Variants in LARGE1 observed in about 807,000 individuals in gnomAD.
The protein encoded by LARGE1 is xylosyl- and glucuronyltransferase LARGE1.
Under a neutral mutation model 87.6 loss-of-function variants are expected in LARGE1, and 43 were observed. The observed-to-expected ratio is 0.49, with a 90% CI of 0.38 to 0.63. The LOEUF is 0.63. Ranked by LOEUF, LARGE1 falls within the 30% of genes least tolerant of loss-of-function variation. LARGE1 has a pLI of 0.00. For synonymous variants in LARGE1, 434 were observed against 394.6 expected (o/e 1.10, Z -1.18); for missense variants, 802 against 1,000.2 (o/e 0.80, Z 2.67).
intron 7 of LARGE1, among the ~76,000 whole-genome samples, chr22:33,424,585 G>C (rs2066807698): frequency 6.6e-6 from 1 of 152,114 alleles, no homozygotes; most frequent in Non-Finnish European, 1.5e-5. Context: ...TAGCACTTTG[G>C]GAAGCAGAGG....
intron 5 of LARGE1, among the ~76,000 whole-genome samples, chr22:33,580,404 C>T (rs183240858): frequency 6.6e-6 from 1 of 151,626 alleles, no homozygotes; most frequent in East Asian, 1.9e-4. Context: ...CACAAGGCCA[C>T]CTATTGCTCT....
chr22:33,884,647 A>G (rs370264636), intron 1 of LARGE1, among the ~76,000 whole-genome samples: 5 of 152,196 alleles, frequency 3.3e-5, no homozygotes, highest in Admixed American at 1.3e-4. Flanking sequence ...CACGGCTTAC[A>G]CTGCGGAGGG....
intron 6 of LARGE1, among the ~76,000 whole-genome samples, chr22:33,492,829 G>A (rs1336090336): frequency 1.3e-5 from 2 of 152,262 alleles, no homozygotes; most frequent in Middle Eastern, 3.4e-3. Context: ...AGGACGTCCT[G>A]TCCTTGTCCT....
intron 5 of LARGE1, among the ~76,000 whole-genome samples, chr22:33,585,039 T>C (rs948973999): frequency 1.3e-5 from 2 of 152,014 alleles, no homozygotes; most frequent in Non-Finnish European, 2.9e-5. Context: ...ATAGCTTGAA[T>C]CTGGGAGGTG....
At position 33,283,265 on chromosome 22, in the gene LARGE1, G is replaced by A; in HGVS notation, c.1814C>T (p.Ser605Phe). Residue 605 changes from serine (S) to phenylalanine (F), a missense_variant, in exon 13 of 15, where the codon TCC becomes TTC. Ser to Phe is a radical substitution (Grantham distance 155, BLOSUM62 -2). Transcript: ENST00000397394. ...CAACTCCGCTTTTGACTTGGGGAAG[G>A]ACAGCCGGTAGCGCAGTGTCTCGAA... The part of the protein sequence containing the change: ...PAFETLRYRL[S>F]FPKSKAELLS... 6.2e-7 allele frequency: 1 copy of A among 1,614,172 alleles called. No homozygotes were observed. Among genetic ancestry groups the A allele is most frequent in the Non-Finnish European group, 8.5e-7 (1 of 1,180,028 alleles).
intron 2 of LARGE1, among the ~76,000 whole-genome samples, chr22:33,720,486 CTA>C (rs1337716133): frequency 6.6e-6 from 1 of 152,180 alleles, no homozygotes; most frequent in Non-Finnish European, 1.5e-5. Context: ...GGTGTACACT[CTA>C]TGATATTTAT....
At chr22:33,499,148 T>G (rs2070310393) in intron 6 of LARGE1, among the ~76,000 whole-genome samples, 1 of 152,204 alleles carries the variant, frequency 6.6e-6, no homozygotes, top group Non-Finnish European at 1.5e-5. Context: ...ACCTTGAGGC[T>G]GTGCTTAGTA....
chr22:33,213,787 C>G (rs1925071091), intron 11 of LARGE1, among the ~76,000 whole-genome samples: 1 of 152,046 alleles, frequency 6.6e-6, no homozygotes, highest in African/African-American at 2.4e-5. Context: ...TACTGGGAAA[C>G]CAAAAACTTT....
intron 6 of LARGE1, among the ~76,000 whole-genome samples, chr22:33,498,767 C>T (rs923382354): frequency 1.3e-5 from 2 of 152,060 alleles, no homozygotes; most frequent in Non-Finnish European, 2.9e-5. Context: ...GTCAGGAGAT[C>T]GAGACCACCC....
chr22:33,613,060 G>C (rs925087288), intron 4 of LARGE1, among the ~76,000 whole-genome samples: 3 of 152,134 alleles, frequency 2.0e-5, no homozygotes, highest in African/African-American at 7.2e-5. Context: ...TCATTAGCTT[G>C]CCTGAGAATA....
chr22:33,446,600 C>T (rs1224250236), intron 6 of LARGE1, among the ~76,000 whole-genome samples: 4 of 152,322 alleles, frequency 2.6e-5, no homozygotes, highest in South Asian at 4.1e-4. Flanking sequence ...AACACCTCTG[C>T]AGGGACTCAA....
chr22:33,341,757 T>C (rs926394985), intron 9 of LARGE1, among the ~76,000 whole-genome samples: 3 of 152,180 alleles, frequency 2.0e-5, no homozygotes, highest in African/African-American at 7.2e-5. Flanking sequence ...CTTGAACAAC[T>C]CGTTTCTCTT....
chr22:33,888,763 A>T (rs1038170676), intron 1 of LARGE1, among the ~76,000 whole-genome samples: 2 of 152,138 alleles, frequency 1.3e-5, no homozygotes, highest in Non-Finnish European at 2.9e-5. Flanking sequence ...AGGCTGAGGC[A>T]CAAGAATCGC....
chr22:33,829,541 C>G (rs909971861), intron 1 of LARGE1, among the ~76,000 whole-genome samples: 3 of 152,124 alleles, frequency 2.0e-5, no homozygotes, highest in Non-Finnish European at 4.4e-5. Context: ...AGTAGGTGCT[C>G]AATAAATATT....
intron 3 of LARGE1, among the ~76,000 whole-genome samples, chr22:33,627,284 C>T (rs1602802740): frequency 6.6e-6 from 1 of 152,174 alleles, no homozygotes; most frequent in East Asian, 1.9e-4. Flanking sequence ...GATCGGAAAG[C>T]ACCACTCTAG....
chr22:33,286,809 C>A (rs1431497587), intron 12 of LARGE1, among the ~76,000 whole-genome samples: 1 of 152,192 alleles, frequency 6.6e-6, no homozygotes, highest in Non-Finnish European at 1.5e-5. Flanking sequence ...TTACTATTAT[C>A]ATCAGTTGCT....
At chr22:33,256,741 G>T (rs377210666) in intron 11 of LARGE1, among the ~76,000 whole-genome samples, 1 of 152,100 alleles carries the variant, frequency 6.6e-6, no homozygotes, top group Non-Finnish European at 1.5e-5. Context: ...AGCCTCATGC[G>T]GTCTGTATCA....
At position 33,166,468 on chromosome 22, in the gene LARGE1, C is replaced by G. The variant is rs1281546641; in HGVS notation, c.*295G>C. The G allele has an allele frequency of 2.0e-5, 6 of 303,000 alleles. No homozygotes were observed. The East Asian group carries it at 2.7e-4, about 13-fold the overall frequency. 18.8% of individuals were successfully genotyped at this position (303,000 alleles called of 1,614,324 possible). A position where few individuals can be genotyped will look rare whatever the true frequency, so the allele number is the denominator to read the frequency against. On this transcript the variant is annotated 3_prime_UTR_variant, in exon 12 of 12. Transcript: ENST00000608642. Reference sequence around the variant, plus strand: ...GTTCATCTGCACCTACCACTTCAATCTTACCACGGGGATGTTCACCTGGCA... The same window carrying G: ...GTTCATCTGCACCTACCACTTCAATGTTACCACGGGGATGTTCACCTGGCA...
At chr22:33,463,208 T>G (rs1194087423) in intron 6 of LARGE1, among the ~76,000 whole-genome samples, 1 of 151,984 alleles carries the variant, frequency 6.6e-6, no homozygotes, top group East Asian at 1.9e-4. Context: ...AAGATTTTCA[T>G]TTGGGAATTT....
Sources: gnomAD v4.1 joint callset for allele counts (sites outside exome capture counted in the v4.1 genomes callset) on GRCh38, gnomAD v4.1.1 for gene constraint, MANE v1.5 for transcripts, NCBI Gene and HGNC (gene_info 2026-07-23, HGNC 2026-07-21) for gene names.